Variants in SNX6 observed in about 807,000 individuals in gnomAD.
SNX6 encodes sorting nexin-6.
A neutral mutation model predicts 63.0 loss-of-function variants in SNX6; 34 were observed. The observed-to-expected ratio is 0.54, with a 90% CI of 0.41 to 0.72. The LOEUF is 0.72. Ranked by LOEUF, SNX6 falls within the 30% of genes least tolerant of loss-of-function variation. SNX6 has a pLI of 0.00. For missense variants in SNX6, 398 were observed against 471.4 expected (o/e 0.84, Z 1.44); for synonymous variants, 170 against 164.2 (o/e 1.04, Z -0.27).
intron 9 of SNX6, among the ~76,000 whole-genome samples, chr14:34,582,746 T>G (rs1881993895): frequency 6.6e-6 from 1 of 151,656 alleles, no homozygotes; most frequent in Non-Finnish European, 1.5e-5. Flanking sequence ...TTTCGCCATG[T>G]TGGCCAGGCT....
chr14:34,610,221 T>C (rs1161074748), intron 2 of SNX6, among the ~76,000 whole-genome samples: 1 of 150,336 alleles, frequency 6.7e-6, no homozygotes, highest in Non-Finnish European at 1.5e-5. Context: ...TAGCCAGATA[T>C]GGTGGTGCAC....
chr14:34,601,031 G>C (rs1566482307), intron 6 of SNX6, among the ~76,000 whole-genome samples: 1 of 151,710 alleles, frequency 6.6e-6, no homozygotes, highest in African/African-American at 2.4e-5. Context: ...AAAAAAGAGA[G>C]TTTTTAGGCA....
chr14:34,576,754 C>CA, intron 10 of SNX6, among the ~76,000 whole-genome samples: 1 of 151,826 alleles, frequency 6.6e-6, no homozygotes, highest in South Asian at 2.1e-4. Context: ...CAGTCAGACT[C>CA]TATAATGAGT....
intron 11 of SNX6, chr14:34,568,739 C>T: frequency 1.1e-6 from 1 of 872,052 alleles, no homozygotes; most frequent in African/African-American, 1.7e-5. Context: ...CTGTCCAGAT[C>T]TCTCTGTCCC....
intron 2 of SNX6, among the ~76,000 whole-genome samples, chr14:34,610,653 C>T (rs986773076): frequency 1.3e-5 from 2 of 151,986 alleles, no homozygotes; most frequent in Non-Finnish European, 2.9e-5. Flanking sequence ...AATATATTTC[C>T]TATTTAGTGC....
At chr14:34,615,109 T>A (rs1460726544) in intron 2 of SNX6, among the ~76,000 whole-genome samples, 2 of 152,068 alleles carry the variant, frequency 1.3e-5, no homozygotes, top group African/African-American at 4.8e-5. Context: ...ATATACTGTT[T>A]CCCTTTATTG....
At chr14:34,594,916 ACT>A (rs1046846896) in intron 7 of SNX6, among the ~76,000 whole-genome samples, 2 of 151,634 alleles carry the variant, frequency 1.3e-5, no homozygotes, top group African/African-American at 4.8e-5. Context: ...ACATGGCAAA[ACT>A]CTGTCTCTAC....
chr14:34,586,798 A>G (rs890403156), intron 8 of SNX6, among the ~76,000 whole-genome samples: 1 of 151,870 alleles, frequency 6.6e-6, no homozygotes, highest in Admixed American at 6.6e-5. Context: ...TCATGAGGTC[A>G]GGAGATTAGG....
chr14:34,576,494 G>T (rs1483258623), intron 10 of SNX6, among the ~76,000 whole-genome samples: 1 of 150,550 alleles, frequency 6.6e-6, no homozygotes, highest in Non-Finnish European at 1.5e-5. Flanking sequence ...TGTCACCCAG[G>T]CTGGAATGCA....
rs1251561029 is a variant in SNX6 at position 34,603,526 on chromosome 14, C to G, written c.393-55G>C. 3.4e-6 allele frequency: 5 copies of G among 1,453,904 alleles called. No individual in the cohort carries two copies. The African/African-American group carries it at 5.8e-5, about 17-fold the overall frequency. The allele number at this position is 1,453,904 out of a possible 1,614,324, so 90.1% of individuals were successfully genotyped here. A position where few individuals can be genotyped will look rare whatever the true frequency, so the allele number is the denominator to read the frequency against. Reference sequence around the variant, plus strand: ...AAAACTCCATCAACTAAAAAGTCACCTGCAACAATTTTTTTCAGAAAATAC... The same window carrying G: ...AAAACTCCATCAACTAAAAAGTCACGTGCAACAATTTTTTTCAGAAAATAC... On this transcript the variant is annotated intron_variant, in intron 5 of 13. Coordinates refer to ENST00000362031, the MANE Select transcript of SNX6 (RefSeq NM_152233.4).
Position 34,608,130 on chromosome 14 carries a change from G to T in SNX6, c.170C>A (p.Pro57Gln), listed in dbSNP as rs1484381156. ...KFTVHTKSSLPNFKQNEFSVV... is the reference protein window; with the variant it reads ...KFTVHTKSSLQNFKQNEFSVV... ...TGAAAACTCGTTTTGTTTAAAATTT[G>T]GCAATGAACTCTGTAAAGATAGAGA... Residue 57 changes from proline to glutamine, a missense_variant, in exon 4 of 14, where the codon CCA becomes CAA. By Grantham distance (76) the Pro-to-Gln change is moderately conservative (BLOSUM62 -1). Coordinates refer to ENST00000362031, the MANE Select transcript of SNX6 (RefSeq NM_152233.4). 2.5e-6 allele frequency: 4 copies of T among 1,585,104 alleles called. No individual in the cohort carries two copies. The highest frequency in any genetic ancestry group is 3.4e-6 in the Non-Finnish European group (4 of 1,160,536).
At chr14:34,592,770 T>A (rs970059076) in intron 8 of SNX6, among the ~76,000 whole-genome samples, 1 of 152,240 alleles carries the variant, frequency 6.6e-6, no homozygotes, top group South Asian at 2.1e-4. Context: ...ACAAACAGGA[T>A]CTTACTCTGT....
At chr14:34,619,500 A>T (rs1883547342) in intron 2 of SNX6, among the ~76,000 whole-genome samples, 1 of 152,118 alleles carries the variant, frequency 6.6e-6, no homozygotes, top group Non-Finnish European at 1.5e-5. Context: ...GCAATACAGT[A>T]ATATGCGGCT....
At chr14:34,609,377 A>G (rs1883136131) in intron 3 of SNX6, among the ~76,000 whole-genome samples, 1 of 144,606 alleles carries the variant, frequency 6.9e-6, no homozygotes, top group African/African-American at 2.5e-5. Context: ...GCTACTCTGG[A>G]GGCTGAGGCA....
intron 2 of SNX6, among the ~76,000 whole-genome samples, chr14:34,628,859 C>T (rs1362237555): frequency 2.6e-5 from 4 of 151,738 alleles, no homozygotes; most frequent in African/African-American, 9.7e-5. Context: ...TGGTAATTAT[C>T]ATATATCAAC....
chr14:34,603,692 A>G (rs1440594348), intron 5 of SNX6, among the ~76,000 whole-genome samples: 1 of 152,194 alleles, frequency 6.6e-6, no homozygotes, highest in African/African-American at 2.4e-5. Context: ...TTATATCTAA[A>G]TGTTAATATT....
chr14:34,605,821 A>G lies in SNX6; in HGVS notation c.271-104T>C, dbSNP rs1594736979. On this transcript the variant is annotated intron_variant, in intron 4 of 13. Coordinates refer to ENST00000362031, the MANE Select transcript of SNX6 (RefSeq NM_152233.4). ...GTGTCTGGGAAAGCTAAGGGGATCC[A>G]GAATGAGCTGAACACCAGGAACACC... 2.2e-6 allele frequency: 3 copies of G among 1,364,710 alleles called. No individual in the cohort carries two copies. In the East Asian group the frequency reaches 7.5e-5, roughly 34 times the overall value. 84.5% of individuals were successfully genotyped at this position (1,364,710 alleles called of 1,614,324 possible).
At chr14:34,565,751 G>A (rs1220358326) in intron 13 of SNX6, among the ~76,000 whole-genome samples, 11 of 150,658 alleles carry the variant, frequency 7.3e-5, no homozygotes, top group African/African-American at 2.4e-4. Context: ...GTGCAGTGAC[G>A]CAATCTTGGC....
chr14:34,603,060 G>A (rs1015107707), intron 6 of SNX6, among the ~76,000 whole-genome samples: 1 of 151,238 alleles, frequency 6.6e-6, no homozygotes, highest in Admixed American at 6.6e-5. Flanking sequence ...GGTGGATCAT[G>A]AGGTCAGGAG....
Sources: allele counts gnomAD v4.1 joint callset (sites outside exome capture counted in the v4.1 genomes callset), GRCh38; gene constraint gnomAD v4.1.1; transcripts MANE v1.5; gene names NCBI Gene and HGNC (gene_info 2026-07-23, HGNC 2026-07-21).